Variants in LRRC8C observed in about 807,000 individuals in gnomAD.
LRRC8C encodes the protein volume-regulated anion channel subunit LRRC8C.
A neutral mutation model predicts 55.3 loss-of-function variants in LRRC8C; 20 were observed. The ratio of observed to expected loss-of-function variants is 0.36; its 90% confidence interval spans 0.25 to 0.53. The LOEUF is 0.53. LRRC8C is among the 20% of genes least tolerant of loss of function. The pLI is 0.92. For missense variants in LRRC8C, 659 were observed against 951.4 expected, an observed-to-expected ratio of 0.69 and a Z score of 4.04; for synonymous variants, 376 against 360.7, an observed-to-expected ratio of 1.04 and a Z score of -0.48.
intron 1 of LRRC8C, 84 bp from the exon 2 acceptor site, chr1:89,686,386 G>T: frequency 7.0e-7 from 1 of 1,418,990 alleles, no homozygotes; most frequent in Non-Finnish European, 9.8e-7. Flanking sequence ...CCTCTGCTGT[G>T]AGGAGTTGGA....
chr1:89,705,175 A>C (rs2101338349), intron 2 of LRRC8C, among the ~76,000 whole-genome samples: 1 of 150,902 alleles, frequency 6.6e-6, no homozygotes, highest in East Asian at 2.0e-4. Flanking sequence ...TCACAAGAAC[A>C]AAAAACCAAA....
At chr1:89,649,751 G>A (rs1292270801) in intron 1 of LRRC8C, among the ~76,000 whole-genome samples, 1 of 152,126 alleles carries the variant, frequency 6.6e-6, no homozygotes, top group Admixed American at 6.6e-5. Context: ...ACAGGCTGTA[G>A]ATTCTATCTG....
At chr1:89,690,338 G>A (rs551227954) in intron 2 of LRRC8C, among the ~76,000 whole-genome samples, 4 of 152,296 alleles carry the variant, frequency 2.6e-5, no homozygotes, top group African/African-American at 7.2e-5. Context: ...GTAGGAATTG[G>A]CAATAAGGAA....
chr1:89,716,755 T>C lies in LRRC8C; in HGVS notation c.*1773T>C, dbSNP rs1658833855. On this transcript the variant is annotated 3_prime_UTR_variant, in exon 3 of 3. Transcript: ENST00000370454. Reference sequence around the variant, plus strand: ...AAAGAAAGTAGAAAGATGCTTTGGGTTTTCAAAATGTTGTTTTTTAAAATT... The same window carrying C: ...AAAGAAAGTAGAAAGATGCTTTGGGCTTTCAAAATGTTGTTTTTTAAAATT... The C allele has an allele frequency of 6.6e-6, 1 of 152,174 alleles. No individual in the cohort carries two copies. Among genetic ancestry groups the C allele is most frequent in the African/African-American group, 2.4e-5 (1 of 41,448 alleles). 9.4% of individuals were successfully genotyped at this position (152,174 alleles called of 1,614,324 possible). A position where few individuals can be genotyped will look rare whatever the true frequency, so the allele number is the denominator to read the frequency against.
the LRRC8C span, among the ~76,000 whole-genome samples, chr1:89,616,228 C>G: frequency 1.6e-4 from 24 of 152,298 alleles, 2 homozygotes; most frequent in Admixed American, 9.2e-4. Flanking sequence ...TGCAGGGGCC[C>G]TAGCCTCATC....
chr1:89,661,197 T>C (rs922924690), intron 1 of LRRC8C: 1 of 216,394 alleles, frequency 4.6e-6, no homozygotes, highest in Non-Finnish European at 9.5e-6. Context: ...AGCAGCTTTA[T>C]AGTGAAACAT....
At chr1:89,673,983 C>T (rs973494933) in intron 1 of LRRC8C, among the ~76,000 whole-genome samples, 1 of 152,124 alleles carries the variant, frequency 6.6e-6, no homozygotes, top group Non-Finnish European at 1.5e-5. Context: ...ATTGAAAGAA[C>T]GTTCCAGTTG....
intron 1 of LRRC8C, among the ~76,000 whole-genome samples, chr1:89,635,863 T>C (rs991342657): frequency 6.6e-6 from 1 of 152,176 alleles, no homozygotes; most frequent in African/African-American, 2.4e-5. Flanking sequence ...TGTAACACAC[T>C]CCCAAGATTT....
At position 89,665,190 on chromosome 1, in the gene LRRC8C, G is replaced by T. The variant is rs112763724; in HGVS notation, c.-4-21280G>T. On this transcript the variant is annotated intron_variant, in intron 1 of 2. Coordinates refer to ENST00000370454, the MANE Select transcript of LRRC8C (RefSeq NM_032270.5). ...CGTTGAATAGGAGTGGTGAGAGAGGGTATCCTTGTCTTGTGCCAGTTTTCA... is the reference window on the plus strand; with the variant it reads ...CGTTGAATAGGAGTGGTGAGAGAGGTTATCCTTGTCTTGTGCCAGTTTTCA... Among the ~76,000 whole-genome samples, 101 of 152,322 alleles carry T rather than the reference G, an allele frequency of 6.6e-4. 1 individual carries two copies. The highest frequency in any genetic ancestry group is 2.4e-3 in the African/African-American group (98 of 41,568).
At chr1:89,676,183 T>C (rs747504391) in intron 1 of LRRC8C, 23 of 152,224 alleles carry the variant, frequency 1.5e-4, no homozygotes, top group Non-Finnish European at 3.2e-4. Flanking sequence ...ATTTTGTTAA[T>C]AATACTTTAA....
chr1:89,618,507 T>C, the LRRC8C span, among the ~76,000 whole-genome samples: 1 of 152,136 alleles, frequency 6.6e-6, no homozygotes, highest in Non-Finnish European at 1.5e-5. Context: ...AATCAGATGA[T>C]TTCATGGAGA....
In LRRC8C at chr1:89,690,654, TAGG is replaced by T. The variant is rs370485068; in HGVS notation, c.138+4046_138+4048del. Among the ~76,000 whole-genome samples, 10 of 152,306 alleles carry T rather than the reference TAGG, an allele frequency of 6.6e-5. No individual in the cohort carries two copies. In the East Asian group the frequency reaches 1.9e-3, roughly 29 times the overall value. Reference sequence around the variant, plus strand: ...GAAAATGTCTATAATGAGCATCATTTAGGAGATGTGCCTGCGGTAAGTTCAGGA... The same window carrying T: ...GAAAATGTCTATAATGAGCATCATTTAGATGTGCCTGCGGTAAGTTCAGGA... On this transcript the variant is annotated intron_variant, in intron 2 of 2. Transcript: ENST00000370454.
intron 1 of LRRC8C, among the ~76,000 whole-genome samples, chr1:89,650,806 C>G (rs1238710567): frequency 6.6e-6 from 1 of 152,176 alleles, no homozygotes; most frequent in African/African-American, 2.4e-5. Context: ...ACTTACATCC[C>G]TCCAATATCA....
chr1:89,640,018 TA>T (rs1381350798), intron 1 of LRRC8C, among the ~76,000 whole-genome samples: 1 of 152,226 alleles, frequency 6.6e-6, no homozygotes, highest in Non-Finnish European at 1.5e-5. Flanking sequence ...TAACAGTCAC[TA>T]AATAAACTAA....
intron 2 of LRRC8C, among the ~76,000 whole-genome samples, chr1:89,690,821 T>C (rs1278685523): frequency 6.6e-6 from 1 of 152,072 alleles, no homozygotes; most frequent in Non-Finnish European, 1.5e-5. Context: ...GCACCACCAC[T>C]CTTACCTCGC....
Position 89,714,533 on chromosome 1 carries a change from C to A in LRRC8C, c.1963C>A (p.His655Asn), listed in dbSNP as rs1277336412. ...WHNSITYIPE[H>N]IKKLTSLERL... ...TAACAGCATCACCTACATCCCAGAG[C>A]ATATAAAGAAACTCACCAGCCTGGA... The change falls in exon 3 of 3, where the codon CAT (histidine) becomes AAT (asparagine). Residue 655 changes from histidine (H) to asparagine (N), a missense_variant. This residue lies in a region of LRRC8C where 344 missense variants were observed against 464.6 expected (regional missense o/e 0.74). Coordinates refer to ENST00000370454, the MANE Select transcript of LRRC8C (RefSeq NM_032270.5). The surrounding 1 kb of genome is among the most constrained non-coding windows in gnomAD (Gnocchi z 4.6). 1 of 1,614,020 alleles carries A rather than the reference C, an allele frequency of 6.2e-7. No individual in the cohort carries two copies. The highest frequency in any genetic ancestry group is 8.5e-7 in the Non-Finnish European group (1 of 1,180,016).
At chr1:89,681,692 A>C (rs1657713413) in intron 1 of LRRC8C, among the ~76,000 whole-genome samples, 1 of 152,150 alleles carries the variant, frequency 6.6e-6, no homozygotes, top group African/African-American at 2.4e-5. Context: ...TGAGAACAGC[A>C]TGGGAAAAAC....
At chr1:89,636,250 G>A (rs1433866444) in intron 1 of LRRC8C, among the ~76,000 whole-genome samples, 1 of 152,188 alleles carries the variant, frequency 6.6e-6, no homozygotes, top group African/African-American at 2.4e-5. Context: ...ATTAACACCA[G>A]TGTATCCTAG....
At chr1:89,675,849 A>G (rs1159380724) in intron 1 of LRRC8C, among the ~76,000 whole-genome samples, 1 of 152,214 alleles carries the variant, frequency 6.6e-6, no homozygotes, top group African/African-American at 2.4e-5. Context: ...GAGGTGACTA[A>G]GAAGGCCAGT....
Sources: allele counts gnomAD v4.1 joint callset (sites outside exome capture counted in the v4.1 genomes callset), GRCh38; gene constraint gnomAD v4.1.1; regional missense constraint gnomAD v4.1.1; non-coding constraint Gnocchi (gnomAD v3.1); transcripts MANE v1.5; gene names NCBI Gene and HGNC (gene_info 2026-07-23, HGNC 2026-07-21).